LUZP2: variants seen among roughly 807,000 people sequenced by gnomAD.
LUZP2 encodes the protein leucine zipper protein 2.
Under a neutral mutation model 51.6 loss-of-function variants are expected in LUZP2, and 52 were observed. That is an observed-to-expected ratio of 1.01 (90% confidence interval 0.81 to 1.27). LUZP2 has a LOEUF of 1.27. Among genes scored for constraint, LUZP2 ranks in the 50% most tolerant of loss-of-function variants. LUZP2 has a pLI of 0.00. For synonymous variants in LUZP2, 154 were observed against 137.3 expected (o/e 1.12, Z -0.85); for missense variants, 436 against 395.4 (o/e 1.10, Z -0.87).
At chr11:24,836,893 C>T (rs746284121) in intron 5 of LUZP2, among the ~76,000 whole-genome samples, 3 of 151,742 alleles carry the variant, frequency 2.0e-5, no homozygotes, top group Non-Finnish European at 4.4e-5. Flanking sequence ...GATTTTGATG[C>T]TTGGATTAAA....
intron 5 of LUZP2, among the ~76,000 whole-genome samples, chr11:24,896,033 T>C (rs952700890): frequency 6.6e-6 from 1 of 152,252 alleles, no homozygotes; most frequent in Non-Finnish European, 1.5e-5. Flanking sequence ...ACAGCAATTC[T>C]GACTGGTGTG....
At chr11:24,597,944 T>C (rs563254792) in intron 1 of LUZP2, among the ~76,000 whole-genome samples, 121 of 151,900 alleles carry the variant, frequency 8.0e-4, no homozygotes, top group Non-Finnish European at 1.4e-3. Flanking sequence ...CTACTAAAGA[T>C]ACAAAAATTA....
intron 9 of LUZP2, among the ~76,000 whole-genome samples, chr11:24,999,116 GT>G (rs1232951500): frequency 2.0e-5 from 3 of 152,036 alleles, no homozygotes; most frequent in Non-Finnish European, 2.9e-5. Flanking sequence ...AAATTTCAAT[GT>G]TACATTTCAT....
In LUZP2 at chr11:24,891,679, CT is replaced by C. The variant is rs1852858281; in HGVS notation, c.397-14310del. The C allele has an allele frequency of 3.9e-6, 3 of 771,914 alleles. No homozygotes were observed. The African/African-American group carries it at 5.6e-5, about 14-fold the overall frequency. 47.8% of individuals were successfully genotyped at this position (771,914 alleles called of 1,614,324 possible). A position where few individuals can be genotyped will look rare whatever the true frequency, so the allele number is the denominator to read the frequency against. On this transcript the variant is annotated intron_variant, in intron 5 of 11. Transcript: ENST00000336930. ...GAATTCTATCAGGAATAACACTGTACTTGTTCCACAGAAATTGTTTGATAAG... is the reference window on the plus strand; with the variant it reads ...GAATTCTATCAGGAATAACACTGTACTGTTCCACAGAAATTGTTTGATAAG...
chr11:24,906,350 G>A (rs1224017237), intron 6 of LUZP2, among the ~76,000 whole-genome samples: 3 of 151,218 alleles, frequency 2.0e-5, no homozygotes, highest in Non-Finnish European at 2.9e-5. Flanking sequence ...CAAATTACTG[G>A]GAGTCCATAA....
intron 4 of LUZP2, among the ~76,000 whole-genome samples, chr11:24,750,068 C>A (rs1277614521): frequency 6.6e-6 from 1 of 152,194 alleles, no homozygotes; most frequent in Admixed American, 6.5e-5. Context: ...TTGGAATCTT[C>A]TAGACCAAGA....
At position 24,711,406 on chromosome 11, in the gene LUZP2, T is replaced by C. The variant is rs547548843; in HGVS notation, c.63-17763T>C. On this transcript the variant is annotated intron_variant, in intron 1 of 11. Coordinates refer to ENST00000336930, the MANE Select transcript of LUZP2 (RefSeq NM_001009909.4). ...CGGAGCTTGCAGTGAGCCGAGATGGTGTCACTGCACTCCAGCCTGGGCGAC... is the reference window on the plus strand; with the variant it reads ...CGGAGCTTGCAGTGAGCCGAGATGGCGTCACTGCACTCCAGCCTGGGCGAC... Among the ~76,000 whole-genome samples the C allele has an allele frequency of 1.3e-3, 200 of 151,946 alleles. 2 individuals carry two copies. The highest frequency in any genetic ancestry group is 3.7e-3 in the South Asian group (18 of 4,816).
intron 5 of LUZP2, among the ~76,000 whole-genome samples, chr11:24,878,100 G>GTT (rs368516003): frequency 0.019 from 1,794 of 96,578 alleles, 24 homozygotes; most frequent in African/African-American, 0.035. Context: ...AATATTCTGT[G>GTT]TTTTTTTTTT....
intron 1 of LUZP2, among the ~76,000 whole-genome samples, chr11:24,617,354 T>A (rs1854323892): frequency 1.3e-5 from 2 of 152,228 alleles, no homozygotes; most frequent in African/African-American, 2.4e-5. Context: ...TCCTCTCTTT[T>A]CATTTGTTTA....
chr11:24,844,050 C>T (rs12291115), intron 5 of LUZP2, among the ~76,000 whole-genome samples: 1,720 of 152,142 alleles, frequency 0.011, 32 homozygotes, highest in African/African-American at 0.04. Flanking sequence ...TAAAAAGATA[C>T]CCAGAGATGT....
intron 5 of LUZP2, among the ~76,000 whole-genome samples, chr11:24,884,142 C>G (rs1852587366): frequency 6.6e-6 from 1 of 151,966 alleles, no homozygotes; most frequent in South Asian, 2.1e-4. Context: ...AGTTGGAACT[C>G]TAAGGAAAAA....
At chr11:24,550,490 G>GT (rs1183489720) in intron 1 of LUZP2, among the ~76,000 whole-genome samples, 3 of 151,984 alleles carry the variant, frequency 2.0e-5, no homozygotes, top group Non-Finnish European at 2.9e-5. Flanking sequence ...ATTTCTACCT[G>GT]TTTTTTGAAG....
At chr11:24,598,094 C>T (rs1453609077) in intron 1 of LUZP2, among the ~76,000 whole-genome samples, 2 of 145,672 alleles carry the variant, frequency 1.4e-5, no homozygotes, top group Non-Finnish European at 3.0e-5. Flanking sequence ...TAGTGAGACT[C>T]TGTCTCAAAA....
intron 1 of LUZP2, among the ~76,000 whole-genome samples, chr11:24,555,231 T>C (rs1851831991): frequency 6.6e-6 from 1 of 152,100 alleles, no homozygotes; most frequent in South Asian, 2.1e-4. Flanking sequence ...TATTAGAAGA[T>C]AGTATGTAGA....
At chr11:25,032,720 T>C (rs75464609) in intron 9 of LUZP2, among the ~76,000 whole-genome samples, 3,176 of 152,246 alleles carry the variant, frequency 0.021, 51 homozygotes, top group South Asian at 0.085. Context: ...TAGAGAAATA[T>C]CAAATTGAAT....
intron 1 of LUZP2, among the ~76,000 whole-genome samples, chr11:24,630,428 C>T (rs1854838301): frequency 6.6e-6 from 1 of 151,978 alleles, no homozygotes; most frequent in African/African-American, 2.4e-5. Context: ...TTTCCTAGCA[C>T]CATTTATTAC....
intron 7 of LUZP2, among the ~76,000 whole-genome samples, chr11:24,952,304 A>G (rs1855100675): frequency 6.6e-6 from 1 of 151,826 alleles, no homozygotes; most frequent in Non-Finnish European, 1.5e-5. Flanking sequence ...TTTAGAGAAT[A>G]TAATGTTGGC....
At chr11:24,898,355 T>C (rs1196413587) in intron 5 of LUZP2, among the ~76,000 whole-genome samples, 2 of 152,140 alleles carry the variant, frequency 1.3e-5, no homozygotes, top group Non-Finnish European at 2.9e-5. Context: ...CCGGGCGCGG[T>C]GGCTCATGCC....
chr11:24,606,443 G>A (rs563840320), intron 1 of LUZP2, among the ~76,000 whole-genome samples: 80 of 152,056 alleles, frequency 5.3e-4, no homozygotes, highest in African/African-American at 1.9e-3. Context: ...GCTTAAGATG[G>A]GTTTATCCCC....
Sources: gnomAD v4.1 joint callset for allele counts (sites outside exome capture counted in the v4.1 genomes callset) on GRCh38, gnomAD v4.1.1 for gene constraint, MANE v1.5 for transcripts, NCBI Gene and HGNC (gene_info 2026-07-23, HGNC 2026-07-21) for gene names.